The following NTNG1 variants were observed in gnomAD, a reference collection of about 807,000 sequenced individuals.
NTNG1 encodes netrin-G1.
A neutral mutation model predicts 54.0 loss-of-function variants in NTNG1; 16 were observed. The observed-to-expected ratio is 0.30, with a 90% CI of 0.20 to 0.45. The LOEUF (loss-of-function observed/expected upper bound fraction) is 0.45. Among genes scored for constraint, NTNG1 ranks in the 20% least tolerant of loss-of-function variants. NTNG1 has a pLI of 1.00. For synonymous variants in NTNG1, 255 were observed against 263.1 expected (o/e 0.97, Z 0.30); for missense variants, 530 against 678.7 (o/e 0.78, Z 2.43).
At chr1:107,349,878 T>C (rs1159881511) in intron 3 of NTNG1, among the ~76,000 whole-genome samples, 2 of 152,174 alleles carry the variant, frequency 1.3e-5, no homozygotes, top group East Asian at 1.9e-4. Context: ...CTTATAGATA[T>C]CCTTGTTAAG....
At chr1:107,250,587 A>G (rs1388025852) in intron 2 of NTNG1, among the ~76,000 whole-genome samples, 1 of 151,774 alleles carries the variant, frequency 6.6e-6, no homozygotes, top group Non-Finnish European at 1.5e-5. Flanking sequence ...AATAAAAAAA[A>G]TAAAAGAAAG....
intron 6 of NTNG1, among the ~76,000 whole-genome samples, chr1:107,433,493 C>G (rs1675404331): frequency 6.6e-6 from 1 of 152,164 alleles, no homozygotes; most frequent in Admixed American, 6.5e-5. Flanking sequence ...TTGCAGTGAG[C>G]TGAGAGAATA....
chr1:107,243,046 G>C (rs552025067), intron 2 of NTNG1, among the ~76,000 whole-genome samples: 1 of 152,306 alleles, frequency 6.6e-6, no homozygotes, highest in Non-Finnish European at 1.5e-5. Context: ...CTTGATCAGA[G>C]CATCAAGGGG....
intron 7 of NTNG1, among the ~76,000 whole-genome samples, chr1:107,468,462 C>T (rs894313340): frequency 3.3e-5 from 5 of 152,178 alleles, no homozygotes; most frequent in Admixed American, 1.3e-4. Flanking sequence ...TTCCTACCTC[C>T]TAGCCAGAAT....
intron 3 of NTNG1, among the ~76,000 whole-genome samples, chr1:107,346,348 A>G (rs2101942315): frequency 6.6e-6 from 1 of 152,242 alleles, no homozygotes; most frequent in African/African-American, 2.4e-5. Flanking sequence ...ACCCTTTAAG[A>G]CTGCAGGCTG....
At chr1:107,309,256 T>C (rs1228198913) in intron 2 of NTNG1, among the ~76,000 whole-genome samples, 1 of 152,178 alleles carries the variant, frequency 6.6e-6, no homozygotes, top group Non-Finnish European at 1.5e-5. Context: ...TTCTGGACCC[T>C]TTCTGGCTCA....
intron 3 of NTNG1, among the ~76,000 whole-genome samples, chr1:107,385,306 C>T (rs116552691): frequency 0.023 from 3,570 of 152,082 alleles, 130 homozygotes; most frequent in African/African-American, 0.07. Flanking sequence ...CACCGCCACG[C>T]CACTACTCTC....
Position 107,323,740 on chromosome 1 carries a change from C to T in NTNG1, c.247-542C>T, listed in dbSNP as rs117846080. Among the ~76,000 whole-genome samples the T allele has an allele frequency of 1.0e-3, 155 of 150,292 alleles. 1 individual carries two copies. In the East Asian group the frequency reaches 0.029, roughly 28 times the overall value. The stretch of plus-strand genomic sequence containing the variant: ...CGTTGTAAAACCAGACATTATGAAG[C>T]AAGGACCCAGTTAAGTATGACGGAT... On this transcript the variant is annotated intron_variant, in intron 2 of 7. Transcript: ENST00000370068.
At chr1:107,310,728 T>C (rs1273464430) in intron 2 of NTNG1, among the ~76,000 whole-genome samples, 1 of 151,980 alleles carries the variant, frequency 6.6e-6, no homozygotes, top group Non-Finnish European at 1.5e-5. Context: ...GAAAGAACAA[T>C]GAAATTAATT....
At chr1:107,418,957 G>A (rs1340015987) in intron 5 of NTNG1, among the ~76,000 whole-genome samples, 1 of 151,962 alleles carries the variant, frequency 6.6e-6, no homozygotes. Flanking sequence ...AAAAATGTGT[G>A]AGTGGCACAG....
intron 2 of NTNG1, among the ~76,000 whole-genome samples, chr1:107,240,579 G>A (rs1181379425): frequency 6.6e-6 from 1 of 152,138 alleles, no homozygotes; most frequent in Non-Finnish European, 1.5e-5. Context: ...TGTAATATCA[G>A]TTTTGCCAAA....
chr1:107,331,801 G>A (rs959119519), intron 3 of NTNG1, among the ~76,000 whole-genome samples: 2 of 151,660 alleles, frequency 1.3e-5, no homozygotes, highest in African/African-American at 2.4e-5. Context: ...TTGAATAAGT[G>A]TGCTGCCTCT....
At chr1:107,437,575 C>T (rs1282483917) in intron 7 of NTNG1, among the ~76,000 whole-genome samples, 2 of 152,078 alleles carry the variant, frequency 1.3e-5, no homozygotes, top group Non-Finnish European at 2.9e-5. Context: ...TATTAAAGCA[C>T]CACAAGACAT....
chr1:107,448,730 A>T (rs1406470362), intron 7 of NTNG1, among the ~76,000 whole-genome samples: 1 of 152,068 alleles, frequency 6.6e-6, no homozygotes, highest in Non-Finnish European at 1.5e-5. Context: ...AACATTTTAT[A>T]TAAGGGGCAG....
intron 2 of NTNG1, among the ~76,000 whole-genome samples, chr1:107,196,042 A>G (rs1194394304): frequency 2.6e-5 from 4 of 151,824 alleles, no homozygotes; most frequent in African/African-American, 9.7e-5. Flanking sequence ...CTTTTGTTGT[A>G]CTCCCAGCAC....
intron 7 of NTNG1, among the ~76,000 whole-genome samples, chr1:107,460,006 C>T (rs1267707691): frequency 2.0e-5 from 3 of 151,904 alleles, no homozygotes; most frequent in African/African-American, 7.3e-5. Flanking sequence ...TTTTTTTCGC[C>T]TAATTTCTCA....
chr1:107,339,200 C>A (rs1297104460), intron 3 of NTNG1, among the ~76,000 whole-genome samples: 1 of 152,052 alleles, frequency 6.6e-6, no homozygotes, highest in Non-Finnish European at 1.5e-5. Context: ...CTCTCAAATT[C>A]TCTTTGGTTC....
At chr1:107,422,190 T>C (rs1181193249) in intron 5 of NTNG1, among the ~76,000 whole-genome samples, 1 of 152,006 alleles carries the variant, frequency 6.6e-6, no homozygotes, top group African/African-American at 2.4e-5. Flanking sequence ...GGGAACCCAA[T>C]TAGGTTTGAA....
chr1:107,442,729 C>T (rs1206457580), intron 7 of NTNG1, among the ~76,000 whole-genome samples: 5 of 152,078 alleles, frequency 3.3e-5, no homozygotes, highest in Non-Finnish European at 5.9e-5. Context: ...CATCAAGGGG[C>T]CAGTTCTTGG....
Sources: gnomAD v4.1 joint callset for allele counts (sites outside exome capture counted in the v4.1 genomes callset) on GRCh38, gnomAD v4.1.1 for gene constraint, MANE v1.5 for transcripts, NCBI Gene and HGNC (gene_info 2026-07-23, HGNC 2026-07-21) for gene names.